The following MIER1 variants were observed in gnomAD, a reference collection of about 807,000 sequenced individuals.
MIER1 encodes MIER1 transcriptional regulator, also known as mesoderm induction early response protein 1.
A neutral mutation model predicts 75.7 loss-of-function variants in MIER1; 40 were observed. That is an observed-to-expected ratio of 0.53 (90% CI 0.41 to 0.69). The LOEUF is 0.69. MIER1 is among the 30% of genes least tolerant of loss of function. The pLI is 0.00. For synonymous variants in MIER1, 213 were observed against 223.4 expected, an observed-to-expected ratio of 0.95 and a Z score of 0.42; for missense variants, 574 against 680.2, an observed-to-expected ratio of 0.84 and a Z score of 1.74.
At chr1:66,942,539 ATACT>A (rs1656489293) in intron 3 of MIER1, among the ~76,000 whole-genome samples, 1 of 152,190 alleles carries the variant, frequency 6.6e-6, no homozygotes, top group African/African-American at 2.4e-5. Flanking sequence ...CTGATGCAAA[ATACT>A]TAATTTATAC....
intron 2 of MIER1, among the ~76,000 whole-genome samples, chr1:66,936,074 G>T (rs1654753043): frequency 6.6e-6 from 1 of 151,980 alleles, no homozygotes; most frequent in South Asian, 2.1e-4. Flanking sequence ...CTCCAGTGTG[G>T]TTGACATAAC....
rs1657633608 is a variant in MIER1 at position 66,946,345 on chromosome 1, G to T, written c.339+50G>T. ...ATGAATTGGTTATGACTTTTTTGTG[G>T]AAAGGGAAGATCTGAAATTTTGATT... On this transcript the variant is annotated intron_variant, in intron 4 of 13. Transcript: ENST00000401041. The T allele has an allele frequency of 1.4e-5, 21 of 1,493,982 alleles. No homozygotes were observed. The East Asian group carries it at 5.3e-4, about 38-fold the overall frequency. The allele number at this position is 1,493,982 out of a possible 1,614,324, so 92.5% of individuals were successfully genotyped here.
intron 3 of MIER1, among the ~76,000 whole-genome samples, chr1:66,944,972 C>G (rs533973442): frequency 6.6e-6 from 1 of 152,062 alleles, no homozygotes; most frequent in Non-Finnish European, 1.5e-5. Context: ...GTGATCCTCC[C>G]TTCTTGGCCT....
chr1:66,946,354 G>C, intron 4 of MIER1, 59 bp downstream of exon 4: 1 of 1,482,212 alleles, frequency 6.7e-7, no homozygotes, highest in Non-Finnish European at 8.9e-7. Flanking sequence ...GGAAAGGGAA[G>C]ATCTGAAATT....
At chr1:66,969,290 A>G (rs1213034797) in intron 8 of MIER1, among the ~76,000 whole-genome samples, 1 of 152,042 alleles carries the variant, frequency 6.6e-6, no homozygotes, top group Non-Finnish European at 1.5e-5. Flanking sequence ...TCACACCTGT[A>G]ATCCCAGCAC....
intron 4 of MIER1, among the ~76,000 whole-genome samples, chr1:66,956,116 A>G (rs1348791436): frequency 2.0e-5 from 3 of 152,170 alleles, no homozygotes; most frequent in African/African-American, 7.2e-5. Context: ...GCTATTTGTT[A>G]TTCTTGTATA....
intron 2 of MIER1, among the ~76,000 whole-genome samples, chr1:66,934,246 G>C (rs1231713694): frequency 6.6e-6 from 1 of 152,122 alleles, no homozygotes; most frequent in Non-Finnish European, 1.5e-5. Context: ...GTTAGGTCTT[G>C]AAGAAATCTA....
intron 2 of MIER1, chr1:66,930,183 C>T: frequency 7.5e-7 from 1 of 1,332,232 alleles, no homozygotes; most frequent in Non-Finnish European, 9.6e-7. Flanking sequence ...CTTTTCCCTC[C>T]AGTCCAGCCC....
chr1:66,946,715 A>G, intron 4 of MIER1: 5 of 986,342 alleles, frequency 5.1e-6, no homozygotes, highest in Non-Finnish European at 6.0e-6. Flanking sequence ...TCCACTACAT[A>G]AAGTGCTCTA....
chr1:66,962,097 G>A (rs1296548524), intron 7 of MIER1, among the ~76,000 whole-genome samples: 2 of 152,118 alleles, frequency 1.3e-5, no homozygotes, highest in South Asian at 2.1e-4. Flanking sequence ...TTAACATTTA[G>A]CCATCACACA....
chr1:66,948,736 A>AC (rs1312477665), intron 4 of MIER1, among the ~76,000 whole-genome samples: 2 of 152,104 alleles, frequency 1.3e-5, no homozygotes, highest in Non-Finnish European at 2.9e-5. Flanking sequence ...TCTGCAAAAA[A>AC]TTTTTTAAAA....
chr1:66,955,885 A>C (rs1660029179), intron 4 of MIER1, among the ~76,000 whole-genome samples: 1 of 152,032 alleles, frequency 6.6e-6, no homozygotes, highest in African/African-American at 2.4e-5. Context: ...ACATGACCTG[A>C]GATTAGGAGG....
rs530892021 is a variant in MIER1 at position 66,925,572 on chromosome 1, G to C, written c.67+477G>C. On this transcript the variant is annotated intron_variant, in intron 1 of 13. Transcript: ENST00000401041. ...CTGGGCCAACTTGCCCTTTTCGGAT[G>C]GAGTCAGGGAGGGAGGAGAGACTCG... The C allele has an allele frequency of 8.1e-6, 8 of 984,254 alleles. No homozygotes were observed. In the African/African-American group the frequency reaches 1.4e-4, roughly 17 times the overall value. 61.0% of individuals were successfully genotyped at this position (984,254 alleles called of 1,614,324 possible).
At position 66,987,125 on chromosome 1, in the gene MIER1, A is replaced by G. The variant is rs925324602; in HGVS notation, c.*2225A>G. 3 of 152,750 alleles carry G rather than the reference A, an allele frequency of 2.0e-5. No individual in the cohort carries two copies. The highest frequency in any genetic ancestry group is 4.8e-5 in the African/African-American group (2 of 41,472). 9.5% of individuals were successfully genotyped at this position (152,750 alleles called of 1,614,324 possible). A position where few individuals can be genotyped will look rare whatever the true frequency, so the allele number is the denominator to read the frequency against. ...TGTTAATCTTTAAAAAATACACCTA[A>G]TGAAAGACATTCCACTATTATGCGT... On this transcript the variant is annotated 3_prime_UTR_variant, in exon 14 of 14. Transcript: ENST00000401041.
chr1:66,984,472 C>T lies in MIER1; in HGVS notation c.1370-100C>T. 8.2e-6 allele frequency: 7 copies of T among 856,742 alleles called. No individual in the cohort carries two copies. In the South Asian group the frequency reaches 1.1e-4, roughly 13 times the overall value. 53.1% of individuals were successfully genotyped at this position (856,742 alleles called of 1,614,324 possible). On this transcript the variant is annotated intron_variant, in intron 13 of 13. Coordinates refer to ENST00000401041, the MANE Select transcript of MIER1 (RefSeq NM_001077700.3). ...AAGAATTTAGACTATGTATTTGATA[C>T]CTTGCTTCCTTGATAACAATAACTA...
Position 66,970,833 on chromosome 1 carries a change from G to T in MIER1, c.798G>T (p.Leu266=). 6.4e-7 allele frequency: 1 copy of T among 1,572,624 alleles called. No homozygotes were observed. Residue 266 remains leucine (L), a synonymous_variant, in exon 9 of 14, where the codon CTG becomes CTT. Transcript: ENST00000401041. Reference sequence around the variant, plus strand: ...TATATGAAAATGATGATCAGCTCCTGTGGGACCCTGAGTACTTACCAGAAG... The same window carrying T: ...TATATGAAAATGATGATCAGCTCCTTTGGGACCCTGAGTACTTACCAGAAG... ...EKVYENDDQL[L]WDPEYLPEDK... is the part of the protein sequence containing the mutation.
chr1:66,926,013 C>G, intron 1 of MIER1, 129 bp from the exon 2 acceptor site: 5 of 595,802 alleles, frequency 8.4e-6, no homozygotes, highest in East Asian at 3.3e-5. Flanking sequence ...AAATGTTTTT[C>G]TAAAATTGTC....
At chr1:66,926,026 G>A (rs930789584) in intron 1 of MIER1, 116 bp from the exon 2 acceptor site, 22 of 678,516 alleles carry the variant, frequency 3.2e-5, no homozygotes, top group Non-Finnish European at 5.1e-5. Context: ...AAATTGTCAT[G>A]GGATCCTTGT....
In MIER1 at chr1:66,984,949, A is replaced by C. The variant is rs1205678976; in HGVS notation, c.*49A>C. On this transcript the variant is annotated 3_prime_UTR_variant, in exon 14 of 14. Coordinates refer to ENST00000401041, the MANE Select transcript of MIER1 (RefSeq NM_001077700.3). ...TTGGAGTAAATTCTGGTGTGACTAA[A>C]ATTTTCAGGGTTGATGGGTTACCTT... 6.6e-7 allele frequency: 1 copy of C among 1,518,450 alleles called. No individual in the cohort carries two copies. The highest frequency in any genetic ancestry group is 2.3e-5 in the East Asian group (1 of 43,962). 94.1% of individuals were successfully genotyped at this position (1,518,450 alleles called of 1,614,324 possible).
Sources: allele counts gnomAD v4.1 joint callset (sites outside exome capture counted in the v4.1 genomes callset), GRCh38; gene constraint gnomAD v4.1.1; transcripts MANE v1.5; gene names NCBI Gene and HGNC (gene_info 2026-07-23, HGNC 2026-07-21).